CMSS1: variants seen among roughly 807,000 people sequenced by gnomAD.
CMSS1 encodes the protein protein CMSS1.
Under a neutral mutation model 43.5 loss-of-function variants are expected in CMSS1, and 33 were observed. The observed-to-expected ratio is 0.76, with a 90% confidence interval of 0.57 to 1.01. The LOEUF is 1.01. CMSS1 is among the 50% of genes least tolerant of loss of function. CMSS1 has a pLI of 0.00. For missense variants in CMSS1, 313 were observed against 326.4 expected, an observed-to-expected ratio of 0.96 and a Z score of 0.32; for synonymous variants, 115 against 117.2, an observed-to-expected ratio of 0.98 and a Z score of 0.12.
chr3:99,942,812 G>A (rs1707890081), intron 1 of CMSS1, among the ~76,000 whole-genome samples: 1 of 151,836 alleles, frequency 6.6e-6, no homozygotes, highest in Admixed American at 6.6e-5. Context: ...CTCGGCGACA[G>A]AGTGTGACTC....
chr3:99,981,362 C>T (rs1015153028), intron 1 of CMSS1, among the ~76,000 whole-genome samples: 8 of 152,162 alleles, frequency 5.3e-5, no homozygotes, highest in Non-Finnish European at 1.2e-4. Context: ...TCAGGCCCTC[C>T]ACCCATCTGG....
At chr3:99,915,930 A>G (rs766265808) in intron 1 of CMSS1, among the ~76,000 whole-genome samples, 1 of 152,194 alleles carries the variant, frequency 6.6e-6, no homozygotes, top group Non-Finnish European at 1.5e-5. Flanking sequence ...TTTCTTGGCA[A>G]CTCAAAAATA....
intron 1 of CMSS1, among the ~76,000 whole-genome samples, chr3:100,075,224 G>A (rs748958783): frequency 7.9e-5 from 12 of 152,198 alleles, no homozygotes; most frequent in Non-Finnish European, 1.5e-4. Flanking sequence ...GCTAAAAGAA[G>A]ATATATCAAT....
intron 1 of CMSS1, among the ~76,000 whole-genome samples, chr3:99,939,513 C>A (rs1707792462): frequency 6.6e-6 from 1 of 152,140 alleles, no homozygotes; most frequent in Admixed American, 6.5e-5. Flanking sequence ...CCCCTTCAGC[C>A]CAGGGTCTTT....
intron 1 of CMSS1, among the ~76,000 whole-genome samples, chr3:100,065,076 T>C (rs16841920): frequency 0.02 from 3,022 of 152,282 alleles, 79 homozygotes; most frequent in East Asian, 0.13. Context: ...GATTGTAAAC[T>C]ATGAGCCCAA....
intron 1 of CMSS1, among the ~76,000 whole-genome samples, chr3:100,127,522 C>G (rs1308220197): frequency 6.6e-6 from 1 of 152,174 alleles, no homozygotes; most frequent in Non-Finnish European, 1.5e-5. Context: ...TCCTGTTTAC[C>G]TCAGTGTCTC....
At chr3:100,166,981 C>A (rs9853522) in intron 5 of CMSS1, among the ~76,000 whole-genome samples, 22,469 of 151,956 alleles carry the variant, frequency 0.15, 1,948 homozygotes, top group South Asian at 0.21. Flanking sequence ...CTCCTGGGCT[C>A]AAGAGATCCT....
At position 99,833,375 on chromosome 3, in the gene CMSS1, C is replaced by T. The variant is rs993329331; in HGVS notation, c.64+15332C>T. The T allele has an allele frequency of 3.6e-6, 3 of 827,590 alleles. No individual in the cohort carries two copies. The African/African-American group carries it at 5.3e-5, about 15-fold the overall frequency. The allele number at this position is 827,590 out of a possible 1,614,324, so 51.3% of individuals were successfully genotyped here. Reference sequence around the variant, plus strand: ...AGAAACCTAGCAATCTAGAAGACTCCCTGGTTACAGTGAGTTATTAGAAGG... The same window carrying T: ...AGAAACCTAGCAATCTAGAAGACTCTCTGGTTACAGTGAGTTATTAGAAGG... On this transcript the variant is annotated intron_variant, in intron 1 of 9. Coordinates refer to ENST00000421999, the MANE Select transcript of CMSS1 (RefSeq NM_032359.4).
intron 1 of CMSS1, among the ~76,000 whole-genome samples, chr3:99,953,453 A>G (rs753411225): frequency 5.1e-4 from 77 of 152,248 alleles, no homozygotes; most frequent in Non-Finnish European, 8.4e-4. Flanking sequence ...CCTTTATGTC[A>G]CTTTGTCTGG....
chr3:100,043,205 T>G (rs2065232311), intron 1 of CMSS1, among the ~76,000 whole-genome samples: 1 of 152,220 alleles, frequency 6.6e-6, no homozygotes, highest in African/African-American at 2.4e-5. Flanking sequence ...CAGTATTTCA[T>G]TCTTTACTGT....
At chr3:100,080,929 G>A (rs2065922640) in intron 1 of CMSS1, among the ~76,000 whole-genome samples, 1 of 152,192 alleles carries the variant, frequency 6.6e-6, no homozygotes, top group South Asian at 2.1e-4. Context: ...TAAAGGATGA[G>A]TTGAGAGTAT....
intron 4 of CMSS1, among the ~76,000 whole-genome samples, chr3:100,164,723 G>C (rs2067052452): frequency 6.6e-6 from 1 of 151,934 alleles, no homozygotes; most frequent in African/African-American, 2.4e-5. Flanking sequence ...AGATACAGTG[G>C]GTTATTTGGA....
chr3:100,109,483 C>T (rs2066451938), intron 1 of CMSS1, among the ~76,000 whole-genome samples: 1 of 152,150 alleles, frequency 6.6e-6, no homozygotes, highest in African/African-American at 2.4e-5. Flanking sequence ...TAGTCAGTTC[C>T]TCCCCTCAGC....
chr3:100,145,960 A>G (rs1241467510), intron 1 of CMSS1, among the ~76,000 whole-genome samples: 1 of 152,274 alleles, frequency 6.6e-6, no homozygotes, highest in Non-Finnish European at 1.5e-5. Context: ...TGACCATCAC[A>G]GTATGCAAAC....
At chr3:100,048,537 T>C (rs571963659) in intron 1 of CMSS1, among the ~76,000 whole-genome samples, 2 of 152,298 alleles carry the variant, frequency 1.3e-5, no homozygotes, top group African/African-American at 4.8e-5. Flanking sequence ...TGCAAAGTTA[T>C]TGTGACACAA....
intron 1 of CMSS1, among the ~76,000 whole-genome samples, chr3:100,113,035 G>A (rs2066516378): frequency 2.0e-5 from 3 of 152,168 alleles, no homozygotes; most frequent in Admixed American, 1.3e-4. Flanking sequence ...TCTCCTTTAT[G>A]CATATCTAAT....
At chr3:99,912,925 C>A (rs1256323672) in intron 1 of CMSS1, among the ~76,000 whole-genome samples, 2 of 152,132 alleles carry the variant, frequency 1.3e-5, no homozygotes, top group East Asian at 3.9e-4. Context: ...TGTGTCCCCC[C>A]AAACTCTTAT....
At chr3:99,926,400 G>A (rs970937341) in intron 1 of CMSS1, among the ~76,000 whole-genome samples, 3 of 152,242 alleles carry the variant, frequency 2.0e-5, no homozygotes, top group African/African-American at 7.2e-5. Flanking sequence ...GGAGGCTCTA[G>A]TGTTGATTGT....
chr3:99,925,247 A>G (rs931175240), intron 1 of CMSS1, among the ~76,000 whole-genome samples: 3 of 152,154 alleles, frequency 2.0e-5, no homozygotes, highest in African/African-American at 7.2e-5. Flanking sequence ...TATAGTGTGA[A>G]TGTCACCAAA....
Sources: allele counts gnomAD v4.1 joint callset (sites outside exome capture counted in the v4.1 genomes callset), GRCh38; gene constraint gnomAD v4.1.1; transcripts MANE v1.5; gene names NCBI Gene and HGNC (gene_info 2026-07-23, HGNC 2026-07-21).